The following LRP1 variants were observed in gnomAD, a reference collection of about 807,000 sequenced individuals.
LRP1 encodes LDL receptor related protein 1.
In LRP1, 51 loss-of-function variants were observed where a neutral mutation model predicts 541.5. The ratio of observed to expected loss-of-function variants is 0.09; its 90% CI spans 0.08 to 0.12. The LOEUF (loss-of-function observed/expected upper bound fraction) is 0.12, where lower values mean the gene tolerates loss of function less well. Among genes scored for constraint, LRP1 ranks in the 10% least tolerant of loss-of-function variants. The probability of loss-of-function intolerance (pLI) is 1.00; values close to 1 mark genes in which losing one functional copy is unlikely to be tolerated. For synonymous variants in LRP1, 2,219 were observed against 2,470.8 expected (o/e 0.90, Z 3.02); for missense variants, 3,878 against 6,376.2 (o/e 0.61, Z 13.34).
Position 57,206,095 on chromosome 12 carries a change from C to T in LRP1, c.11591-378C>T, listed in dbSNP as rs186032379. 4.2e-4 allele frequency among the ~76,000 whole-genome samples: 64 copies of T among 152,358 alleles called. No individual in the cohort carries two copies. Among genetic ancestry groups the T allele is most frequent in the Non-Finnish European group, 7.1e-4 (48 of 68,034 alleles). On this transcript the variant is annotated intron_variant, in intron 75 of 88. Coordinates refer to ENST00000243077, the MANE Select transcript of LRP1 (RefSeq NM_002332.3). The surrounding 1 kb of genome is among the most constrained non-coding windows in gnomAD (Gnocchi z 4.7). Reference sequence around the variant, plus strand: ...CCCCCACCATGCACTCCCATGCACACCCTCGTGCTCCATGCCAAGCACACA... The same window carrying T: ...CCCCCACCATGCACTCCCATGCACATCCTCGTGCTCCATGCCAAGCACACA...
intron 41 of LRP1, among the ~76,000 whole-genome samples, chr12:57,186,698 A>T (rs1592642962): frequency 6.6e-6 from 1 of 151,870 alleles, no homozygotes; most frequent in Non-Finnish European, 1.5e-5. Context: ...CAATCCCCAG[A>T]CCCCTGGAAG....
rs946876715 is a variant in LRP1 at position 57,201,401 on chromosome 12, G to A, written c.10346-96G>A. ...CTTCCTCCGAAGAAGTTGCTGGCAG[G>A]ACCAAGGCCAGGGCTTGGAAGAGAG... On this transcript the variant is annotated intron_variant, in intron 65 of 88. Coordinates refer to ENST00000243077, the MANE Select transcript of LRP1 (RefSeq NM_002332.3). The surrounding 1 kb of genome is among the most constrained non-coding windows in gnomAD (Gnocchi z 6.4). 9.2e-6 allele frequency: 14 copies of A among 1,516,322 alleles called. No individual in the cohort carries two copies. In the African/African-American group the frequency reaches 1.5e-4, roughly 17 times the overall value. The allele number at this position is 1,516,322 out of a possible 1,614,324, so 93.9% of individuals were successfully genotyped here. A position where few individuals can be genotyped will look rare whatever the true frequency, so the allele number is the denominator to read the frequency against.
intron 1 of LRP1, 53 bp downstream of exon 1, chr12:57,129,084 C>T (rs577056016): frequency 3.9e-5 from 59 of 1,515,102 alleles, no homozygotes; most frequent in South Asian, 1.6e-4. Context: ...CTCTCCCCAG[C>T]CCCCACTCCT....
chr12:57,208,297 C>G (rs1184343806), intron 77 of LRP1, 81 bp downstream of exon 77: 98 of 1,432,024 alleles, frequency 6.8e-5, no homozygotes, highest in Non-Finnish European at 5.1e-5. Flanking sequence ...CACCCACATG[C>G]GTGCCCTTCC....
At position 57,162,466 on chromosome 12, in the gene LRP1, T is replaced by C. The variant is rs1183378246; in HGVS notation, c.2352T>C (p.Ser784=). The change falls in exon 14 of 89, where the codon AGT becomes AGC. Residue 784 remains serine (S), a synonymous_variant. Transcript: ENST00000243077. The surrounding 1 kb of genome is among the most constrained non-coding windows in gnomAD (Gnocchi z 5.2). ...CCCCCACTGTGACCCTTCTGCGCAG[T>C]GAGCGGCCCCCCATCTTTGAGATCC... is the stretch of plus-strand genomic sequence containing the variant. ...GAPPTVTLLR[S]ERPPIFEIRM... 3.1e-6 allele frequency: 5 copies of C among 1,613,986 alleles called. No homozygotes were observed. The South Asian group carries it at 4.4e-5, about 14-fold the overall frequency.
rs2036111052 is a variant in LRP1 at position 57,179,227 on chromosome 12, A to G, written c.4739-102A>G. The G allele has an allele frequency of 2.5e-6, 3 of 1,180,890 alleles. No individual in the cohort carries two copies. The highest frequency in any genetic ancestry group is 3.0e-5 in the African/African-American group (2 of 66,278). 73.2% of individuals were successfully genotyped at this position (1,180,890 alleles called of 1,614,324 possible). On this transcript the variant is annotated intron_variant, in intron 28 of 88. Transcript: ENST00000243077. The surrounding 1 kb of genome is among the most constrained non-coding windows in gnomAD (Gnocchi z 6.8). Reference sequence around the variant, plus strand: ...GGGTATGTCCACGGAGCCAAGGGCCAGTAGCAAACAGACGGATCCAGAAGA... The same window carrying G: ...GGGTATGTCCACGGAGCCAAGGGCCGGTAGCAAACAGACGGATCCAGAAGA...
rs2036090444 is a variant in LRP1 at position 57,178,286 on chromosome 12, G to T, written c.4362-73G>T. 6.5e-7 allele frequency: 1 copy of T among 1,539,874 alleles called. No homozygotes were observed. The highest frequency in any genetic ancestry group is 1.4e-5 in the African/African-American group (1 of 73,840). On this transcript the variant is annotated intron_variant, in intron 26 of 88. Coordinates refer to ENST00000243077, the MANE Select transcript of LRP1 (RefSeq NM_002332.3). This position sits in a 1 kb window ranked among gnomAD's most constrained non-coding sequence, Gnocchi z 5.8. ...GAGGGCTGTGGCCAGGGCCCAGAGG[G>T]TGGGCACCTGGGCAGAGCTCTGAGG... is the stretch of plus-strand genomic sequence containing the variant.
At chr12:57,136,733 T>A (rs150047358) in intron 1 of LRP1, among the ~76,000 whole-genome samples, 2 of 152,272 alleles carry the variant, frequency 1.3e-5, no homozygotes, top group Non-Finnish European at 2.9e-5. Context: ...AGGACTGGTG[T>A]GGATTTCACT....
At chr12:57,198,828 C>G (rs34827154) in intron 60 of LRP1, among the ~76,000 whole-genome samples, 158 bp downstream of exon 60, 2 of 152,166 alleles carry the variant, frequency 1.3e-5, no homozygotes, top group Non-Finnish European at 2.9e-5. Flanking sequence ...CAGAGCACCC[C>G]GGGGGCTTCC....
At position 57,204,370 on chromosome 12, in the gene LRP1, C is replaced by T. The variant is rs751428314; in HGVS notation, c.10952-40C>T. ...CTGTGGAGACAGGGGTCTGGGTGGG[C>T]TCATGGCTCATTCTATCTCTTGGCT... On this transcript the variant is annotated intron_variant, in intron 70 of 88. Transcript: ENST00000243077. The surrounding 1 kb of genome is among the most constrained non-coding windows in gnomAD (Gnocchi z 5.3). 27 of 1,508,012 alleles carry T rather than the reference C, an allele frequency of 1.8e-5. No individual in the cohort carries two copies. The South Asian group carries it at 2.6e-4, about 14-fold the overall frequency. 93.4% of individuals were successfully genotyped at this position (1,508,012 alleles called of 1,614,324 possible). A position where few individuals can be genotyped will look rare whatever the true frequency, so the allele number is the denominator to read the frequency against.
chr12:57,200,378 A>C, intron 62 of LRP1, 64 bp from the exon 63 acceptor site: 1 of 1,017,888 alleles, frequency 9.8e-7, no homozygotes, highest in Non-Finnish European at 1.5e-6. Flanking sequence ...CAAGCCCCTC[A>C]AAAGAAAGAC....
In LRP1 at chr12:57,209,814, G is replaced by A; in HGVS notation, c.12385G>A (p.Gly4129Ser). The change falls in exon 80 of 89, where the codon GGC becomes AGC. Residue 4129 changes from glycine (G) to serine (S), a missense_variant. By Grantham distance (56) the Gly-to-Ser change is moderately conservative. This residue lies in a region of LRP1 where 871 missense variants were observed against 1,212.4 expected (regional missense o/e 0.72). Coordinates refer to ENST00000243077, the MANE Select transcript of LRP1 (RefSeq NM_002332.3). ...GHSPLVNLTG[G>S]LSHASDVVLY... ...CAGCCCCTTGGTCAACCTGACAGGG[G>A]GCCTGAGCCACGCCTCTGACGTGGT... The A allele has an allele frequency of 3.7e-6, 6 of 1,614,172 alleles. No homozygotes were observed. The highest frequency in any genetic ancestry group is 5.1e-6 in the Non-Finnish European group (6 of 1,180,034).
At position 57,179,692 on chromosome 12, in the gene LRP1, G is replaced by A. The variant is rs536861891; in HGVS notation, c.4967-90G>A. ...CCTCAGTGCTCCAGCCTGGTTTCCT[G>A]ATCCCTTTTCTCCAGAAGGCACACT... On this transcript the variant is annotated intron_variant, in intron 29 of 88. Transcript: ENST00000243077. This position sits in a 1 kb window ranked among gnomAD's most constrained non-coding sequence, Gnocchi z 6.8. 2.2e-5 allele frequency: 31 copies of A among 1,441,776 alleles called. No homozygotes were observed. In the East Asian group the frequency reaches 4.3e-4, roughly 20 times the overall value. 89.3% of individuals were successfully genotyped at this position (1,441,776 alleles called of 1,614,324 possible).
At chr12:57,191,098 C>A in intron 43 of LRP1, 89 bp downstream of exon 43, 1 of 1,387,396 alleles carries the variant, frequency 7.2e-7, no homozygotes, top group Non-Finnish European at 9.9e-7. Context: ...CAGGCACAGA[C>A]ATGGTGGGAA....
In LRP1 at chr12:57,206,464, C is replaced by T. The variant is rs2036781473; in HGVS notation, c.11591-9C>T. ...CCACAGCCCCAGCCCTGGCCTCTTG[C>T]TTCTCCAGGCTCTGAGTACCAGGTC... is the stretch of plus-strand genomic sequence containing the variant. On this transcript the variant is annotated splice_polypyrimidine_tract_variant and intron_variant, in intron 75 of 88. Transcript: ENST00000243077. The surrounding 1 kb of genome is among the most constrained non-coding windows in gnomAD (Gnocchi z 4.7). The T allele has an allele frequency of 6.2e-7, 1 of 1,613,254 alleles. No individual in the cohort carries two copies. The highest frequency in any genetic ancestry group is 8.5e-7 in the Non-Finnish European group (1 of 1,179,570).
intron 6 of LRP1, chr12:57,147,588 C>T (rs960368227): frequency 6.6e-6 from 1 of 152,246 alleles, no homozygotes; most frequent in Non-Finnish European, 1.5e-5. Flanking sequence ...TGTTGGACCC[C>T]TGGGGCTGAG....
In LRP1 at chr12:57,162,993, G is replaced by A; in HGVS notation, c.2530+10G>A. 1.3e-6 allele frequency: 2 copies of A among 1,594,774 alleles called. No individual in the cohort carries two copies. The highest frequency in any genetic ancestry group is 1.7e-6 in the Non-Finnish European group (2 of 1,173,908). On this transcript the variant is annotated intron_variant, in intron 15 of 88. Transcript: ENST00000243077. This position sits in a 1 kb window ranked among gnomAD's most constrained non-coding sequence, Gnocchi z 5.2. ...GGCGTCACTTGCTTGGGTATGAGGTGCCTGGCTGGGTGGGAGTGGGAAGCA... is the reference window on the plus strand; with the variant it reads ...GGCGTCACTTGCTTGGGTATGAGGTACCTGGCTGGGTGGGAGTGGGAAGCA...
In LRP1 at chr12:57,211,786, G is replaced by A; in HGVS notation, c.13230G>A (p.Glu4410=). ...PPHMTGPRCE[E]HVFSQQQPGH... ...ACATGACAGGGCCCCGGTGTGAGGA[G>A]CACGTCTTCAGCCAGCAGCAGCCAG... The change falls in exon 86 of 89, where the codon GAG becomes GAA. Residue 4410 remains glutamate, a synonymous_variant. Transcript: ENST00000243077. This position sits in a 1 kb window ranked among gnomAD's most constrained non-coding sequence, Gnocchi z 4.3. 1 of 1,612,946 alleles carries A rather than the reference G, an allele frequency of 6.2e-7. No homozygotes were observed.
rs2036089160 is a variant in LRP1, at chr12:57,178,226, C to T, written c.4362-133C>T. On this transcript the variant is annotated intron_variant, in intron 26 of 88. Transcript: ENST00000243077. This position sits in a 1 kb window ranked among gnomAD's most constrained non-coding sequence, Gnocchi z 5.8. ...TGTCTGTCTGCTCTGGCCAGCAAGGCTTAGGGGAGGGAATGGTCCCATGCT... is the reference window on the plus strand; with the variant it reads ...TGTCTGTCTGCTCTGGCCAGCAAGGTTTAGGGGAGGGAATGGTCCCATGCT... The T allele has an allele frequency of 6.6e-6, 7 of 1,067,220 alleles. No homozygotes were observed. Among genetic ancestry groups the T allele is most frequent in the Non-Finnish European group, 8.1e-6 (6 of 744,320 alleles). 66.1% of individuals were successfully genotyped at this position (1,067,220 alleles called of 1,614,324 possible).
Sources: gnomAD v4.1 joint callset for allele counts (sites outside exome capture counted in the v4.1 genomes callset) on GRCh38, gnomAD v4.1.1 for gene constraint, gnomAD v4.1.1 regional missense constraint, Gnocchi (gnomAD v3.1) non-coding constraint, MANE v1.5 for transcripts, NCBI Gene and HGNC (gene_info 2026-07-23, HGNC 2026-07-21) for gene names.